MSR1: variants seen among roughly 807,000 people sequenced by gnomAD.
MSR1 encodes the protein macrophage scavenger receptor types I and II.
Under a neutral mutation model 47.2 loss-of-function variants are expected in MSR1, and 53 were observed. The observed-to-expected ratio is 1.12, with a 90% CI of 0.90 to 1.41. The LOEUF is 1.41. Among genes scored for constraint, MSR1 ranks in the 40% most tolerant of loss-of-function variants. The pLI is 0.00. For synonymous variants in MSR1, 239 were observed against 185.6 expected (o/e 1.29, Z -2.34); for missense variants, 786 against 546.9 (o/e 1.44, Z -4.36).
intron 8 of MSR1, chr8:16,140,704 G>C (rs2117107215): frequency 7.4e-7 from 1 of 1,356,448 alleles, no homozygotes; most frequent in Non-Finnish European, 9.5e-7. Flanking sequence ...ACTGAGGACT[G>C]GTTGGAGCAG....
intron 1 of MSR1, among the ~76,000 whole-genome samples, chr8:16,182,597 T>A (rs982586041): frequency 6.6e-6 from 1 of 152,094 alleles, no homozygotes; most frequent in Non-Finnish European, 1.5e-5. Flanking sequence ...TTTAACTTTT[T>A]TGTTGATAAC....
intron 6 of MSR1, among the ~76,000 whole-genome samples, chr8:16,151,583 C>A (rs191764841): frequency 2.6e-5 from 4 of 152,224 alleles, no homozygotes; most frequent in Admixed American, 2.6e-4. Flanking sequence ...CTACAATAAT[C>A]TGTGGCAATG....
chr8:16,136,613 A>AT (rs1347936801), intron 8 of MSR1, among the ~76,000 whole-genome samples: 9 of 151,762 alleles, frequency 5.9e-5, no homozygotes, highest in East Asian at 1.9e-4. Flanking sequence ...GGAATGCTGC[A>AT]TTTTTTTTGA....
chr8:16,189,061 C>T (rs1018183629), intron 1 of MSR1, among the ~76,000 whole-genome samples: 2 of 139,338 alleles, frequency 1.4e-5, no homozygotes, highest in African/African-American at 2.6e-5. Context: ...TATATAAAAC[C>T]TTATTTTACA....
chr8:16,125,861 G>A (rs1800116900), intron 8 of MSR1, among the ~76,000 whole-genome samples: 1 of 151,788 alleles, frequency 6.6e-6, no homozygotes, highest in African/African-American at 2.4e-5. Flanking sequence ...CAAACTCCTG[G>A]GCTCAAGTGA....
rs566738233 is a variant in MSR1 at position 16,178,002 on chromosome 8, A to T, written c.-4-10T>A. The T allele has an allele frequency of 1.9e-6, 3 of 1,596,132 alleles. No homozygotes were observed. In the African/African-American group the frequency reaches 4.0e-5, roughly 21 times the overall value. On this transcript the variant is annotated splice_polypyrimidine_tract_variant and intron_variant, in intron 1 of 9. Coordinates refer to ENST00000262101, the MANE Select transcript of MSR1 (RefSeq NM_138715.3). ...CCACTGCTCCATACTTCTATGAAAC[A>T]AAATGGAAAAATATATTAATTCCAC... is the stretch of plus-strand genomic sequence containing the variant.
At chr8:16,152,472 A>T (rs965874415) in intron 6 of MSR1, among the ~76,000 whole-genome samples, 2 of 152,054 alleles carry the variant, frequency 1.3e-5, no homozygotes, top group Non-Finnish European at 2.9e-5. Context: ...TCTCTTCTGG[A>T]AGCACGATTC....
chr8:16,155,349 C>T (rs1800976393), intron 5 of MSR1, among the ~76,000 whole-genome samples: 1 of 151,816 alleles, frequency 6.6e-6, no homozygotes, highest in Admixed American at 6.6e-5. Flanking sequence ...ATGACATTGC[C>T]TCAAAGTAAA....
chr8:16,154,694 ATTG>A (rs1179405090), intron 6 of MSR1, among the ~76,000 whole-genome samples: 16 of 151,950 alleles, frequency 1.1e-4, no homozygotes, highest in Non-Finnish European at 4.4e-5. Context: ...CGCAAAGATA[ATTG>A]TTGTACTCCC....
intron 4 of MSR1, among the ~76,000 whole-genome samples, chr8:16,166,090 T>A (rs1801298208): frequency 6.6e-6 from 1 of 151,794 alleles, no homozygotes; most frequent in Non-Finnish European, 1.5e-5. Context: ...GACTAGACAG[T>A]GATTTTGCTT....
chr8:16,131,447 T>TTG (rs1554464348), intron 8 of MSR1, among the ~76,000 whole-genome samples: 6 of 146,682 alleles, frequency 4.1e-5, no homozygotes, highest in Non-Finnish European at 7.5e-5. Context: ...GATAGTTTTT[T>TTG]TTTTTTTTTT....
intron 9 of MSR1, among the ~76,000 whole-genome samples, chr8:16,115,829 T>TA (rs920743965): frequency 1.3e-5 from 2 of 151,120 alleles, no homozygotes; most frequent in African/African-American, 4.9e-5. Context: ...AATTAAGATT[T>TA]AAAAAAAAAT....
intron 9 of MSR1, among the ~76,000 whole-genome samples, chr8:16,113,923 T>A (rs1340678764): frequency 9.5e-6 from 1 of 105,764 alleles, no homozygotes; most frequent in Non-Finnish European, 1.7e-5. Flanking sequence ...ACCACCATAA[T>A]GACTACGTAA....
intron 8 of MSR1, among the ~76,000 whole-genome samples, chr8:16,142,924 A>T (rs1800598824): frequency 6.6e-6 from 1 of 152,158 alleles, no homozygotes; most frequent in South Asian, 2.1e-4. Context: ...GTATACATTC[A>T]GCCTAGACAC....
At chr8:16,140,291 G>GA (rs540304542) in intron 8 of MSR1, 7,448 of 635,150 alleles carry the variant, frequency 0.012, 1 homozygote, top group Non-Finnish European at 0.012. Context: ...ACAAGAAAAA[G>GA]AAAAAAAAAA....
intron 5 of MSR1, among the ~76,000 whole-genome samples, chr8:16,155,443 T>C (rs1240580158): frequency 6.6e-6 from 1 of 152,018 alleles, no homozygotes; most frequent in Non-Finnish European, 1.5e-5. Context: ...GACAGCAGGC[T>C]GGCACAAAGT....
intron 1 of MSR1, among the ~76,000 whole-genome samples, chr8:16,190,692 GT>G (rs546611885): frequency 6.7e-6 from 1 of 149,612 alleles, no homozygotes; most frequent in Non-Finnish European, 1.5e-5. Context: ...TCCCTATTTA[GT>G]TTTTTTATCA....
At chr8:16,144,528 G>T (rs905443527) in intron 7 of MSR1, among the ~76,000 whole-genome samples, 11 of 152,088 alleles carry the variant, frequency 7.2e-5, no homozygotes, top group Non-Finnish European at 1.5e-4. Context: ...CTCAGAGGAT[G>T]TAGTTTAACA....
At position 16,183,915 on chromosome 8, in the gene MSR1, C is replaced by T. The variant is rs528669409; in HGVS notation, c.-4-5923G>A. 6.3e-5 allele frequency among the ~76,000 whole-genome samples: 9 copies of T among 143,916 alleles called. No individual in the cohort carries two copies. The South Asian group carries it at 6.4e-4, about 10-fold the overall frequency. The allele number at this position is 143,916 out of a possible 152,430, so 94.4% of individuals were successfully genotyped here. A position where few individuals can be genotyped will look rare whatever the true frequency, so the allele number is the denominator to read the frequency against. On this transcript the variant is annotated intron_variant, in intron 1 of 9. Transcript: ENST00000262101. ...TATATAATTATATATATATATATGG[C>T]ACAGGCATAGTACAAAAGTGAGTGA...
Sources: gnomAD v4.1 joint callset for allele counts (sites outside exome capture counted in the v4.1 genomes callset) on GRCh38, gnomAD v4.1.1 for gene constraint, MANE v1.5 for transcripts, NCBI Gene and HGNC (gene_info 2026-07-23, HGNC 2026-07-21) for gene names.